DMD: variants seen among roughly 807,000 people sequenced by gnomAD.
DMD encodes the protein mutant dystrophin.
In DMD, 63 loss-of-function variants were observed where a neutral mutation model predicts 330.1. The observed-to-expected ratio is 0.19, with a 90% CI of 0.16 to 0.24. The LOEUF is 0.24. Ranked by LOEUF, DMD falls within the 10% of genes least tolerant of loss-of-function variation. The pLI, the probability that DMD is intolerant of heterozygous loss-of-function variation, is 1.00. For missense variants in DMD, 3,344 were observed against 2,684.1 expected (o/e 1.25, Z -5.43); for synonymous variants, 1,223 against 959.8 (o/e 1.27, Z -5.07).
At chrX:31,246,054 G>T (rs1000573444) in intron 63 of DMD, among the ~76,000 whole-genome samples, 1 of 112,008 alleles carries the variant, frequency 8.9e-6, no homozygotes, top group Admixed American at 9.5e-5. Context: ...TGAATGCAAA[G>T]GAAAAGTTAA....
chrX:32,484,286 A>G (rs1327742402), intron 21 of DMD, among the ~76,000 whole-genome samples: 1 of 112,168 alleles, frequency 8.9e-6, no homozygotes. Flanking sequence ...AGCAGATACT[A>G]TGTATTAACA....
At chrX:31,434,419 CACACACACACA>C (rs2064337377) in intron 60 of DMD, among the ~76,000 whole-genome samples, 4 of 5,378 alleles carry the variant, frequency 7.4e-4, no homozygotes, top group East Asian at 8.2e-3. Flanking sequence ...AGCGCGCGCG[CACACACACACA>C]CACACACACA....
At chrX:31,578,603 T>C (rs1473037338) in intron 55 of DMD, among the ~76,000 whole-genome samples, 1 of 111,992 alleles carries the variant, frequency 8.9e-6, no homozygotes, top group African/African-American at 3.3e-5. Context: ...ATACCAAGTC[T>C]GTAAGTCACA....
intron 2 of DMD, among the ~76,000 whole-genome samples, chrX:33,002,405 A>G (rs781485021): frequency 9.0e-6 from 1 of 111,140 alleles, no homozygotes; most frequent in South Asian, 3.9e-4. Context: ...CTGGGGTCCA[A>G]ATACCCTCTA....
chrX:32,753,210 T>C (rs1485565457), intron 7 of DMD, among the ~76,000 whole-genome samples: 1 of 111,692 alleles, frequency 9.0e-6, no homozygotes, highest in Non-Finnish European at 1.9e-5. Context: ...GATTTACTAT[T>C]TTTATAGCAC....
chrX:33,124,813 TCAGGAGTTCGAGAC>T (rs1345374986), intron 1 of DMD, among the ~76,000 whole-genome samples: 2 of 109,128 alleles, frequency 1.8e-5, no homozygotes, highest in African/African-American at 3.3e-5. Context: ...TCACCTGAGG[TCAGGAGTTCGAGAC>T]CAGCCTGACC....
At chrX:31,369,399 A>C (rs1263736142) in intron 60 of DMD, among the ~76,000 whole-genome samples, 1 of 112,502 alleles carries the variant, frequency 8.9e-6, no homozygotes, top group Non-Finnish European at 1.9e-5. Flanking sequence ...GTCAAAAGAT[A>C]TTGGAGTCAA....
intron 17 of DMD, among the ~76,000 whole-genome samples, chrX:32,531,068 C>T (rs754607756): frequency 1.5e-4 from 17 of 111,094 alleles, no homozygotes; most frequent in Non-Finnish European, 1.9e-5. Context: ...ATCTGCATAA[C>T]GAAAATATGG....
At chrX:31,995,862 G>C (rs1178414400) in intron 44 of DMD, among the ~76,000 whole-genome samples, 2 of 112,043 alleles carry the variant, frequency 1.8e-5, no homozygotes, top group Non-Finnish European at 3.8e-5. Context: ...TGAATCTCAA[G>C]ACCTCGTTTA....
chrX:31,473,720 A>AAAAAAAAAAAAAAG (rs1310270784), intron 59 of DMD, among the ~76,000 whole-genome samples: 1,625 of 104,073 alleles, frequency 0.016, 48 homozygotes, highest in East Asian at 0.098. Context: ...TCAAAAAAAA[A>AAAAAAAAAAAAAAG]AAAAAAAAGA....
At chrX:32,613,941 T>G (rs2057368728) in intron 12 of DMD, among the ~76,000 whole-genome samples, 1 of 110,746 alleles carries the variant, frequency 9.0e-6, no homozygotes, top group Admixed American at 9.6e-5. Flanking sequence ...TAGCATCTGG[T>G]GAGGGCCTTT....
intron 52 of DMD, among the ~76,000 whole-genome samples, chrX:31,693,857 C>T (rs185270510): frequency 2.1e-3 from 235 of 111,401 alleles, no homozygotes; most frequent in Non-Finnish European, 3.3e-3. Flanking sequence ...TCTAAAGATT[C>T]GACACAATAC....
At chrX:32,295,773 T>C (rs992953705) in intron 42 of DMD, among the ~76,000 whole-genome samples, 26 of 112,006 alleles carry the variant, frequency 2.3e-4, no homozygotes, top group African/African-American at 7.8e-4. Context: ...CCATTCTTTA[T>C]CATAAGGGAT....
At chrX:31,399,506 G>A (rs1194126396) in intron 60 of DMD, among the ~76,000 whole-genome samples, 1 of 109,909 alleles carries the variant, frequency 9.1e-6, no homozygotes, top group Non-Finnish European at 1.9e-5. Flanking sequence ...AGGGATGTAA[G>A]TTCTCACTTT....
At chrX:32,709,460 G>A (rs1268071166) in intron 7 of DMD, among the ~76,000 whole-genome samples, 1 of 111,735 alleles carries the variant, frequency 8.9e-6, no homozygotes, top group African/African-American at 3.2e-5. Context: ...AGAATTTGAT[G>A]TATGTGTTAA....
At chrX:32,544,978 C>T (rs778191980) in intron 17 of DMD, among the ~76,000 whole-genome samples, 181 bp downstream of exon 17, 2 of 111,494 alleles carry the variant, frequency 1.8e-5, no homozygotes, top group African/African-American at 3.3e-5. Flanking sequence ...CTTTCTGTTG[C>T]GATAGTGATT....
chrX:31,956,161 C>A (rs1204206295), intron 45 of DMD, among the ~76,000 whole-genome samples: 1 of 111,428 alleles, frequency 9.0e-6, no homozygotes, highest in Non-Finnish European at 1.9e-5. Context: ...CATCTTGATC[C>A]ATGAGTGTAA....
chrX:32,514,318 T>G (rs1264774934), intron 18 of DMD, among the ~76,000 whole-genome samples: 1 of 109,802 alleles, frequency 9.1e-6, no homozygotes, highest in Non-Finnish European at 1.9e-5. Flanking sequence ...GGAGATGAAA[T>G]CATTTACTGT....
At chrX:31,774,647 C>A (rs1356215156) in intron 50 of DMD, among the ~76,000 whole-genome samples, 2 of 110,932 alleles carry the variant, frequency 1.8e-5, no homozygotes, top group Non-Finnish European at 3.8e-5. Flanking sequence ...TTAAAATTCC[C>A]TTGAATAGGA....
Sources: gnomAD v4.1 joint callset for allele counts (sites outside exome capture counted in the v4.1 genomes callset) on GRCh38, gnomAD v4.1.1 for gene constraint, MANE v1.5 for transcripts, NCBI Gene and HGNC (gene_info 2026-07-23, HGNC 2026-07-21) for gene names.